The following CPNE4 variants were observed in gnomAD, a reference collection of about 807,000 sequenced individuals.
CPNE4 encodes copine-4.
A neutral mutation model predicts 67.9 loss-of-function variants in CPNE4; 25 were observed. That is an observed-to-expected ratio of 0.37 (90% CI 0.27 to 0.51). The LOEUF is 0.51. Ranked by LOEUF, CPNE4 falls within the 20% of genes least tolerant of loss-of-function variation. CPNE4 has a pLI of 0.93. For missense variants in CPNE4, 464 were observed against 690.8 expected, an observed-to-expected ratio of 0.67 and a Z score of 3.68; for synonymous variants, 242 against 244.9, an observed-to-expected ratio of 0.99 and a Z score of 0.11.
At chr3:131,895,407 A>C (rs1358764266) in intron 2 of CPNE4, among the ~76,000 whole-genome samples, 1 of 152,096 alleles carries the variant, frequency 6.6e-6, no homozygotes, top group Admixed American at 6.6e-5. Context: ...GAGATGAAGC[A>C]TATACTACTC....
intron 1 of CPNE4, among the ~76,000 whole-genome samples, chr3:131,910,267 G>C (rs747502): frequency 0.51 from 77,996 of 151,894 alleles, 20,699 homozygotes; most frequent in East Asian, 0.66. Flanking sequence ...TATTTCTTCC[G>C]AACTCCTACC....
chr3:131,789,031 C>CAG (rs1187657627), intron 2 of CPNE4, among the ~76,000 whole-genome samples: 6 of 147,582 alleles, frequency 4.1e-5, no homozygotes, highest in African/African-American at 1.5e-4. Flanking sequence ...CACACACACA[C>CAG]ACACAGAGAG....
chr3:131,866,375 T>C (rs2086951330), intron 2 of CPNE4, among the ~76,000 whole-genome samples: 1 of 152,190 alleles, frequency 6.6e-6, no homozygotes, highest in African/African-American at 2.4e-5. Flanking sequence ...GCCTTTTTCA[T>C]GGTTGAAAAA....
At chr3:131,984,141 C>G (rs574820835) in intron 1 of CPNE4, among the ~76,000 whole-genome samples, 79 of 152,258 alleles carry the variant, frequency 5.2e-4, no homozygotes, top group African/African-American at 1.9e-3. Context: ...GTTTTCCTTT[C>G]AGTTGAGACT....
chr3:131,880,736 T>G (rs1180043936), intron 2 of CPNE4, among the ~76,000 whole-genome samples: 1 of 152,138 alleles, frequency 6.6e-6, no homozygotes, highest in African/African-American at 2.4e-5. Flanking sequence ...GAAGGCAGAT[T>G]TGGGGTTAAA....
chr3:131,651,348 G>A (rs901776628), intron 7 of CPNE4, among the ~76,000 whole-genome samples: 1 of 152,180 alleles, frequency 6.6e-6, no homozygotes, highest in Non-Finnish European at 1.5e-5. Flanking sequence ...CACCTGAAAT[G>A]TGTTGGGTGA....
intron 1 of CPNE4, among the ~76,000 whole-genome samples, chr3:131,961,952 T>A (rs142839503): frequency 6.6e-6 from 1 of 152,362 alleles, no homozygotes; most frequent in Non-Finnish European, 1.5e-5. Context: ...TTTCTCAACG[T>A]TATCTCTATC....
At chr3:131,933,308 G>C (rs2071125725) in intron 1 of CPNE4, among the ~76,000 whole-genome samples, 1 of 152,054 alleles carries the variant, frequency 6.6e-6, no homozygotes, top group South Asian at 2.1e-4. Flanking sequence ...CTGAAGCAGT[G>C]GCAAAGGAAA....
At chr3:131,610,283 T>C (rs1939759306) in intron 7 of CPNE4, among the ~76,000 whole-genome samples, 1 of 152,202 alleles carries the variant, frequency 6.6e-6, no homozygotes, top group African/African-American at 2.4e-5. Flanking sequence ...TTGTAAATGC[T>C]ATCTTAGAGA....
intron 1 of CPNE4, among the ~76,000 whole-genome samples, chr3:132,023,895 C>T (rs2074059272): frequency 6.6e-6 from 1 of 152,122 alleles, no homozygotes; most frequent in African/African-American, 2.4e-5. Flanking sequence ...AGAAGTTTCT[C>T]ATCTTTGATG....
intron 3 of CPNE4, among the ~76,000 whole-genome samples, chr3:131,707,886 A>G (rs959666877): frequency 1.3e-5 from 2 of 152,134 alleles, no homozygotes; most frequent in Non-Finnish European, 2.9e-5. Context: ...CTGGTATGGA[A>G]CCCTGGGCAG....
chr3:131,542,535 G>A (rs1429524061), intron 15 of CPNE4, 22 bp downstream of exon 15: 2 of 1,517,198 alleles, frequency 1.3e-6, no homozygotes, highest in Non-Finnish European at 1.8e-6. Flanking sequence ...CATGAAAAGT[G>A]CCCCAATGTG....
At chr3:131,873,035 G>A (rs1331704079) in intron 2 of CPNE4, among the ~76,000 whole-genome samples, 1 of 152,064 alleles carries the variant, frequency 6.6e-6, no homozygotes, top group Non-Finnish European at 1.5e-5. Flanking sequence ...AGTTTTGCAC[G>A]GTAATAGAAA....
chr3:131,540,376 G>A (rs1379104026), intron 15 of CPNE4, among the ~76,000 whole-genome samples: 5 of 152,184 alleles, frequency 3.3e-5, no homozygotes, highest in African/African-American at 1.2e-4. Flanking sequence ...ATGAAATACA[G>A]AGTTCAGCTG....
At chr3:131,666,802 G>GGA (rs1553749701) in intron 7 of CPNE4, among the ~76,000 whole-genome samples, 6 of 151,360 alleles carry the variant, frequency 4.0e-5, no homozygotes, top group Non-Finnish European at 8.8e-5. Flanking sequence ...ATTACAGGGG[G>GGA]AAAAAAAAGG....
chr3:131,885,591 G>T (rs1243831108), intron 2 of CPNE4, among the ~76,000 whole-genome samples: 1 of 151,468 alleles, frequency 6.6e-6, no homozygotes, highest in East Asian at 1.9e-4. Context: ...TGCACATTGT[G>T]CAGGTTAGTT....
intron 8 of CPNE4, among the ~76,000 whole-genome samples, chr3:131,584,961 A>G (rs1938081414): frequency 1.3e-5 from 2 of 152,154 alleles, no homozygotes; most frequent in Non-Finnish European, 2.9e-5. Flanking sequence ...ACCACATCCT[A>G]TGAATGGTTC....
At chr3:131,930,953 T>G (rs1354162088) in intron 1 of CPNE4, among the ~76,000 whole-genome samples, 1 of 152,048 alleles carries the variant, frequency 6.6e-6, no homozygotes, top group Non-Finnish European at 1.5e-5. Context: ...ACAAATGAAC[T>G]TTTGCAAAGT....
chr3:131,979,113 T>C (rs2072835936), intron 1 of CPNE4, among the ~76,000 whole-genome samples: 1 of 152,144 alleles, frequency 6.6e-6, no homozygotes, highest in Admixed American at 6.6e-5. Context: ...GCCTTTCATA[T>C]GGTCTGTCTT....
Sources: gnomAD v4.1 joint callset for allele counts (sites outside exome capture counted in the v4.1 genomes callset) on GRCh38, gnomAD v4.1.1 for gene constraint, MANE v1.5 for transcripts, NCBI Gene and HGNC (gene_info 2026-07-23, HGNC 2026-07-21) for gene names.